Variants in NFAT5 observed in about 807,000 individuals in gnomAD.
NFAT5 encodes the protein nuclear factor of activated T-cells 5.
Under a neutral mutation model 166.5 loss-of-function variants are expected in NFAT5, and 31 were observed. The observed-to-expected ratio is 0.19, with a 90% CI of 0.14 to 0.25. The LOEUF is 0.25. NFAT5 is among the 10% of genes least tolerant of loss of function. The probability of loss-of-function intolerance (pLI) is 1.00; values close to 1 mark genes in which losing one functional copy is unlikely to be tolerated. For missense variants in NFAT5, 1,449 were observed against 1,821.8 expected (o/e 0.80, Z 3.72); for synonymous variants, 612 against 639.7 (o/e 0.96, Z 0.65).
intron 10 of NFAT5, among the ~76,000 whole-genome samples, chr16:69,678,855 GA>G (rs2036939373): frequency 6.6e-6 from 1 of 152,220 alleles, no homozygotes; most frequent in African/African-American, 2.4e-5. Flanking sequence ...AAAAAGTGAA[GA>G]AAACAGTAGC....
chr16:69,634,210 C>CA (rs1294391422), intron 3 of NFAT5, among the ~76,000 whole-genome samples: 6 of 136,822 alleles, frequency 4.4e-5, no homozygotes, highest in African/African-American at 1.7e-4. Flanking sequence ...ACCTGGGAGG[C>CA]AGAGGTTACA....
At chr16:69,624,824 T>G (rs1415812758) in intron 2 of NFAT5, among the ~76,000 whole-genome samples, 2 of 151,924 alleles carry the variant, frequency 1.3e-5, no homozygotes, top group Non-Finnish European at 2.9e-5. Context: ...CTTGGCATAC[T>G]AGGCAAGTCC....
At chr16:69,571,156 A>G (rs1345613392) in intron 2 of NFAT5, among the ~76,000 whole-genome samples, 1 of 148,850 alleles carries the variant, frequency 6.7e-6, no homozygotes, top group Non-Finnish European at 1.5e-5. Context: ...AAAAAAAAAA[A>G]AGCCAGGCAT....
rs542284604 is a variant in NFAT5, at chr16:69,628,842, G to A, written c.253+2314G>A. ...CACACCAGCACTTTGAGAGGCCCAG[G>A]CCGGCAGATCACCTGAGGTCAGGAG... On this transcript the variant is annotated intron_variant, in intron 3 of 14. Transcript: ENST00000349945. Among the ~76,000 whole-genome samples the A allele has an allele frequency of 8.5e-5, 13 of 152,266 alleles. No individual in the cohort carries two copies. The East Asian group carries it at 2.5e-3, about 29-fold the overall frequency.
At chr16:69,644,366 A>T (rs1471984680) in intron 3 of NFAT5, among the ~76,000 whole-genome samples, 1 of 152,160 alleles carries the variant, frequency 6.6e-6, no homozygotes, top group Non-Finnish European at 1.5e-5. Context: ...ATTGAGGTAG[A>T]CTTTAAAAAG....
intron 2 of NFAT5, among the ~76,000 whole-genome samples, chr16:69,601,870 A>G (rs1242550319): frequency 6.6e-6 from 1 of 152,176 alleles, no homozygotes; most frequent in East Asian, 1.9e-4. Context: ...TCATGTTTCA[A>G]GGTGAATCCT....
intron 2 of NFAT5, among the ~76,000 whole-genome samples, chr16:69,621,401 T>C (rs567085798): frequency 6.6e-6 from 1 of 152,314 alleles, no homozygotes; most frequent in East Asian, 1.9e-4. Context: ...CCTTATCTAA[T>C]ACCCATATCC....
intron 9 of NFAT5, among the ~76,000 whole-genome samples, chr16:69,673,946 A>G (rs1045668920): frequency 1.3e-5 from 2 of 152,088 alleles, no homozygotes; most frequent in Non-Finnish European, 2.9e-5. Flanking sequence ...CACTTTTTCT[A>G]TCATATTATA....
intron 6 of NFAT5, among the ~76,000 whole-genome samples, chr16:69,657,287 T>C (rs2151640024): frequency 6.6e-6 from 1 of 151,466 alleles, no homozygotes; most frequent in South Asian, 2.1e-4. Flanking sequence ...CCCACCACCG[T>C]ACCTGGCTAA....
intron 2 of NFAT5, among the ~76,000 whole-genome samples, chr16:69,586,193 C>T (rs1211253219): frequency 6.6e-6 from 1 of 152,048 alleles, no homozygotes; most frequent in African/African-American, 2.4e-5. Context: ...TTATGGTTTT[C>T]TTCCTTCTGT....
chr16:69,653,187 C>CA, intron 4 of NFAT5, 49 bp from the exon 5 acceptor site: 1 of 1,248,962 alleles, frequency 8.0e-7, no homozygotes, highest in African/African-American at 1.6e-5. Context: ...TTTTTTTTAT[C>CA]AAAAAACTCT....
intron 2 of NFAT5, among the ~76,000 whole-genome samples, chr16:69,602,097 A>G (rs895509579): frequency 1.3e-5 from 2 of 148,326 alleles, no homozygotes; most frequent in African/African-American, 5.1e-5. Context: ...CCAGTCTATT[A>G]AATAAAGAAC....
chr16:69,658,839 T>G (rs1368134088), intron 6 of NFAT5, among the ~76,000 whole-genome samples: 1 of 151,934 alleles, frequency 6.6e-6, no homozygotes, highest in Non-Finnish European at 1.5e-5. Context: ...AAAAATAAAA[T>G]AAAAATATAA....
At chr16:69,592,087 T>C (rs1437299800) in intron 2 of NFAT5, among the ~76,000 whole-genome samples, 5 of 149,114 alleles carry the variant, frequency 3.4e-5, no homozygotes, top group Admixed American at 6.7e-5. Context: ...TTTCTTTTTT[T>C]TTTTTTTTTT....
At chr16:69,595,071 A>G (rs992467528) in intron 2 of NFAT5, among the ~76,000 whole-genome samples, 2 of 152,108 alleles carry the variant, frequency 1.3e-5, no homozygotes, top group Non-Finnish European at 2.9e-5. Context: ...TTCCCAGTCC[A>G]CTGACTCAAA....
rs554733275 is a variant in NFAT5, at chr16:69,645,042, G to C, written c.254-1986G>C. Among the ~76,000 whole-genome samples the C allele has an allele frequency of 2.6e-5, 4 of 152,260 alleles. No homozygotes were observed. In the South Asian group the frequency reaches 8.3e-4, roughly 32 times the overall value. ...GTTTTTGCCAATAGTTGGAACAGAT[G>C]AAGGAATGTTAGATGTAATACCTTT... On this transcript the variant is annotated intron_variant, in intron 3 of 14. Coordinates refer to ENST00000349945, the MANE Select transcript of NFAT5 (RefSeq NM_138713.4).
At chr16:69,677,826 T>A (rs944904125) in intron 10 of NFAT5, among the ~76,000 whole-genome samples, 2 of 152,182 alleles carry the variant, frequency 1.3e-5, no homozygotes, top group Admixed American at 6.5e-5. Context: ...TAATACCTGA[T>A]AAATATTTTA....
At position 69,566,219 on chromosome 16, in the gene NFAT5, C is replaced by T; in HGVS notation, c.-83C>T. 7.5e-7 allele frequency: 1 copy of T among 1,327,628 alleles called. No homozygotes were observed. The highest frequency in any genetic ancestry group is 2.6e-5 in the East Asian group (1 of 38,574). The allele number at this position is 1,327,628 out of a possible 1,614,324, so 82.2% of individuals were successfully genotyped here. ...TCGCGTCGCCGCCCCCGGTTCGGTG[C>T]CCGCGGTCCCGGAGAGGAGGTGCCG... On this transcript the variant is annotated 5_prime_UTR_variant, in exon 1 of 15. Coordinates refer to ENST00000349945, the MANE Select transcript of NFAT5 (RefSeq NM_138713.4). This position sits in a 1 kb window ranked among gnomAD's most constrained non-coding sequence, Gnocchi z 5.7.
At chr16:69,622,921 G>A (rs532170007) in intron 2 of NFAT5, among the ~76,000 whole-genome samples, 4 of 152,046 alleles carry the variant, frequency 2.6e-5, no homozygotes, top group Middle Eastern at 6.9e-3. Context: ...CGAGGTGGGT[G>A]GATCACCTGA....
Sources: allele counts gnomAD v4.1 joint callset (sites outside exome capture counted in the v4.1 genomes callset), GRCh38; gene constraint gnomAD v4.1.1; non-coding constraint Gnocchi (gnomAD v3.1); transcripts MANE v1.5; gene names NCBI Gene and HGNC (gene_info 2026-07-23, HGNC 2026-07-21).